The following RYR2 variants were observed in gnomAD, a reference collection of about 807,000 sequenced individuals.
RYR2 encodes ryanodine receptor 2.
A neutral mutation model predicts 601.1 loss-of-function variants in RYR2; 227 were observed. That is an observed-to-expected ratio of 0.38 (90% CI 0.34 to 0.42). RYR2 has a LOEUF of 0.42. RYR2 is among the 10% of genes least tolerant of loss of function. The probability of loss-of-function intolerance (pLI) is 1.00; values close to 1 mark genes in which losing one functional copy is unlikely to be tolerated. For synonymous variants in RYR2, 2,223 were observed against 2,175.1 expected, an observed-to-expected ratio of 1.02 and a Z score of -0.61; for missense variants, 4,646 against 6,156.5, an observed-to-expected ratio of 0.75 and a Z score of 8.21.
intron 29 of RYR2, among the ~76,000 whole-genome samples, chr1:237,589,338 C>T (rs1191874840): frequency 1.3e-5 from 2 of 152,126 alleles, no homozygotes; most frequent in Non-Finnish European, 1.5e-5. Flanking sequence ...ATAGCTCAGA[C>T]TGTGTCTGGT....
At chr1:237,688,846 A>G (rs749220961) in intron 63 of RYR2, among the ~76,000 whole-genome samples, 18 of 152,204 alleles carry the variant, frequency 1.2e-4, no homozygotes, top group Non-Finnish European at 2.2e-4. Flanking sequence ...AATGAGCATA[A>G]TAATACTTTC....
chr1:237,171,071 A>G (rs749142557), intron 1 of RYR2, among the ~76,000 whole-genome samples: 5 of 152,152 alleles, frequency 3.3e-5, no homozygotes, highest in East Asian at 3.9e-4. Flanking sequence ...CGTCTCTACT[A>G]AAAGTACAAA....
chr1:237,476,443 G>A (rs1416679964), intron 17 of RYR2, among the ~76,000 whole-genome samples: 1 of 148,580 alleles, frequency 6.7e-6, no homozygotes, highest in African/African-American at 2.5e-5. Context: ...CTGGGAGGTG[G>A]AGGTTGCAGT....
chr1:237,290,871 C>T lies in RYR2; in HGVS notation c.168+20255C>T, dbSNP rs569310026. On this transcript the variant is annotated intron_variant, in intron 2 of 104. Coordinates refer to ENST00000366574, the MANE Select transcript of RYR2 (RefSeq NM_001035.3). ...TTCACGGAAAAGAGAACTCAGATGGCTTCCAAATATTTTAAAAGATGTTGA... is the reference window on the plus strand; with the variant it reads ...TTCACGGAAAAGAGAACTCAGATGGTTTCCAAATATTTTAAAAGATGTTGA... Among the ~76,000 whole-genome samples, 4 of 152,210 alleles carry T rather than the reference C, an allele frequency of 2.6e-5. No individual in the cohort carries two copies. In the South Asian group the frequency reaches 8.3e-4, roughly 32 times the overall value.
chr1:237,718,405 C>G, intron 72 of RYR2, 57 bp from the exon 73 acceptor site: 1 of 855,096 alleles, frequency 1.2e-6, no homozygotes, highest in Non-Finnish European at 1.9e-6. Context: ...TTTCTATTGA[C>G]TTGTGACAGT....
intron 12 of RYR2, among the ~76,000 whole-genome samples, chr1:237,434,588 A>G (rs1216975797): frequency 6.6e-6 from 1 of 152,158 alleles, no homozygotes; most frequent in African/African-American, 2.4e-5. Flanking sequence ...TGTGTATCCA[A>G]TCCCCAACCC....
chr1:237,458,678 C>G (rs1659121086), intron 16 of RYR2, among the ~76,000 whole-genome samples: 2 of 150,902 alleles, frequency 1.3e-5, no homozygotes, highest in South Asian at 4.2e-4. Flanking sequence ...CATTACGTGA[C>G]TAAGTTCTGA....
chr1:237,524,794 A>G (rs1483268270), intron 24 of RYR2, among the ~76,000 whole-genome samples: 2 of 151,610 alleles, frequency 1.3e-5, no homozygotes, highest in Non-Finnish European at 2.9e-5. Flanking sequence ...GGTGCTGGCA[A>G]AATTCCCTTT....
chr1:237,546,993 ATATT>A (rs71180099), intron 25 of RYR2, among the ~76,000 whole-genome samples: 92 of 127,324 alleles, frequency 7.2e-4, no homozygotes, highest in African/African-American at 1.7e-3. Context: ...ATATATATAT[ATATT>A]TATTTATTTA....
chr1:237,116,815 T>A (rs1486883598), intron 1 of RYR2, among the ~76,000 whole-genome samples: 1 of 152,106 alleles, frequency 6.6e-6, no homozygotes, highest in Non-Finnish European at 1.5e-5. Flanking sequence ...GCAGATTCCT[T>A]CCTCTGCATT....
In RYR2 at chr1:237,149,355, A is replaced by G. The variant is rs1189710510; in HGVS notation, c.48+106786A>G. On this transcript the variant is annotated intron_variant, in intron 1 of 104. Transcript: ENST00000366574. ...ACCAAAAACAAACAAAAAACCCCCG[A>G]AAACAAAGCAAGAAAATTTTAAAGG... Among the ~76,000 whole-genome samples, 3 of 152,212 alleles carry G rather than the reference A, an allele frequency of 2.0e-5. No individual in the cohort carries two copies. In the East Asian group the frequency reaches 5.8e-4, roughly 29 times the overall value.
chr1:237,739,992 C>A (rs183772684), intron 79 of RYR2, among the ~76,000 whole-genome samples: 17 of 152,244 alleles, frequency 1.1e-4, no homozygotes, highest in African/African-American at 3.8e-4. Context: ...CACACCTGCC[C>A]CTTTATGTAT....
intron 25 of RYR2, among the ~76,000 whole-genome samples, chr1:237,545,268 A>C (rs1043312104): frequency 6.6e-6 from 1 of 152,270 alleles, no homozygotes; most frequent in African/African-American, 2.4e-5. Context: ...AGCTTCGCAC[A>C]TTAGCATAAC....
intron 38 of RYR2, among the ~76,000 whole-genome samples, chr1:237,618,527 C>T (rs1050447457): frequency 2.0e-5 from 3 of 152,066 alleles, no homozygotes; most frequent in African/African-American, 7.2e-5. Context: ...CCTCATCTAT[C>T]CCAGATTTGA....
chr1:237,084,035 G>A (rs1666033377), intron 1 of RYR2, among the ~76,000 whole-genome samples: 1 of 152,116 alleles, frequency 6.6e-6, no homozygotes, highest in Non-Finnish European at 1.5e-5. Flanking sequence ...TTCTCCCTGG[G>A]CCTCTCTTGG....
chr1:237,403,529 G>A (rs1165212190), intron 10 of RYR2, among the ~76,000 whole-genome samples: 1 of 152,130 alleles, frequency 6.6e-6, no homozygotes, highest in Non-Finnish European at 1.5e-5. Flanking sequence ...AGCAATCCTT[G>A]ATTCTCCCAC....
In RYR2 at chr1:237,324,640, G is replaced by A. The variant is rs536715678; in HGVS notation, c.169-6238G>A. 2.6e-5 allele frequency among the ~76,000 whole-genome samples: 4 copies of A among 152,024 alleles called. No individual in the cohort carries two copies. In the South Asian group the frequency reaches 6.2e-4, roughly 24 times the overall value. On this transcript the variant is annotated intron_variant, in intron 2 of 104. Coordinates refer to ENST00000366574, the MANE Select transcript of RYR2 (RefSeq NM_001035.3). ...TATCATGCATTGATTTTCTTCTTTCGATCTCTTTGAAGTCGGATAAGTATT... is the reference window on the plus strand; with the variant it reads ...TATCATGCATTGATTTTCTTCTTTCAATCTCTTTGAAGTCGGATAAGTATT...
intron 1 of RYR2, among the ~76,000 whole-genome samples, chr1:237,104,001 C>T (rs1050270116): frequency 6.7e-6 from 1 of 149,720 alleles, no homozygotes; most frequent in Non-Finnish European, 1.5e-5. Context: ...TCTGTGTCAT[C>T]CCGGGCTGAA....
chr1:237,674,354 TACAC>T, intron 59 of RYR2, 135 bp downstream of exon 59: 1 of 685,370 alleles, frequency 1.5e-6, no homozygotes, highest in African/African-American at 1.8e-5. Context: ...ATGTTTAAAA[TACAC>T]ACATCAGAAA....
Sources: allele counts gnomAD v4.1 joint callset (sites outside exome capture counted in the v4.1 genomes callset), GRCh38; gene constraint gnomAD v4.1.1; transcripts MANE v1.5; gene names NCBI Gene and HGNC (gene_info 2026-07-23, HGNC 2026-07-21).